The following PCSK1 variants were observed in gnomAD, a reference collection of about 807,000 sequenced individuals.
The protein encoded by PCSK1 is neuroendocrine convertase 1.
PCSK1 carries 56 observed loss-of-function variants against 90.6 expected under a neutral mutation model. That is an observed-to-expected ratio of 0.62 (90% CI 0.50 to 0.77). The LOEUF (loss-of-function observed/expected upper bound fraction) is 0.77, where lower values mean the gene tolerates loss of function less well. Among genes scored for constraint, PCSK1 ranks in the 30% least tolerant of loss-of-function variants. The pLI is 0.00. For missense variants in PCSK1, 801 were observed against 932.6 expected, an observed-to-expected ratio of 0.86 and a Z score of 1.84; for synonymous variants, 348 against 342.4, an observed-to-expected ratio of 1.02 and a Z score of -0.18.
At chr5:96,422,099 C>A (rs2112438780) in intron 4 of PCSK1, 143 bp from the exon 5 acceptor site, 1 of 664,030 alleles carries the variant, frequency 1.5e-6, no homozygotes, top group Non-Finnish European at 2.7e-6. Flanking sequence ...GAGTTTCTGG[C>A]CGAGTCACTG....
At chr5:96,419,184 T>A (rs1026431786) in intron 5 of PCSK1, among the ~76,000 whole-genome samples, 1 of 151,706 alleles carries the variant, frequency 6.6e-6, no homozygotes, top group Admixed American at 6.6e-5. Flanking sequence ...AAATATCTTG[T>A]GGAATAATTT....
rs1759995311 is a variant in PCSK1 at position 96,392,898 on chromosome 5, A to ATC, written c.*102_*103insGA. On this transcript the variant is annotated 3_prime_UTR_variant, in exon 14 of 14. Transcript: ENST00000311106. Reference sequence around the variant, plus strand: ...AAGAAAAGGTGCCACAAAGGATATTATAAGCATAAGAATTCATGACAAAAC... The same window carrying ATC: ...AAGAAAAGGTGCCACAAAGGATATTATCTAAGCATAAGAATTCATGACAAAAC... 1.7e-6 allele frequency: 2 copies of ATC among 1,158,172 alleles called. No homozygotes were observed. The highest frequency in any genetic ancestry group is 2.6e-6 in the Non-Finnish European group (2 of 774,174). 71.7% of individuals were successfully genotyped at this position (1,158,172 alleles called of 1,614,324 possible). A position where few individuals can be genotyped will look rare whatever the true frequency, so the allele number is the denominator to read the frequency against.
chr5:96,429,445 A>T, intron 1 of PCSK1, 128 bp from the exon 2 acceptor site: 1 of 634,510 alleles, frequency 1.6e-6, no homozygotes, highest in Non-Finnish European at 2.8e-6. Context: ...TGAAATTAAT[A>T]TTTTTTTTCT....
chr5:96,412,529 G>A, intron 6 of PCSK1, 39 bp from the exon 7 acceptor site: 1 of 1,568,772 alleles, frequency 6.4e-7, no homozygotes, highest in South Asian at 1.1e-5. Context: ...AAAGGTTGAT[G>A]TCAGTATGTA....
At chr5:96,417,821 C>G (rs1394767184) in intron 5 of PCSK1, among the ~76,000 whole-genome samples, 1 of 152,188 alleles carries the variant, frequency 6.6e-6, no homozygotes, top group African/African-American at 2.4e-5. Flanking sequence ...ATACAGAAGG[C>G]AACTTATGCT....
chr5:96,394,385 A>AT (rs1312460540), intron 13 of PCSK1, among the ~76,000 whole-genome samples: 1 of 152,216 alleles, frequency 6.6e-6, no homozygotes. Flanking sequence ...GTTGCCAAGA[A>AT]GTGTCAGTTA....
At chr5:96,429,632 G>A (rs1167255350) in intron 1 of PCSK1, among the ~76,000 whole-genome samples, 1 of 152,022 alleles carries the variant, frequency 6.6e-6, no homozygotes, top group Non-Finnish European at 1.5e-5. Context: ...AAAGGCCCCA[G>A]TATATGTTGT....
rs531933210 is a variant in PCSK1, at chr5:96,420,744, G to A, written c.620+1136C>T. Among the ~76,000 whole-genome samples the A allele has an allele frequency of 6.0e-5, 9 of 150,368 alleles. 2 individuals carry two copies. Among genetic ancestry groups the A allele is most frequent in the African/African-American group, 2.2e-4 (9 of 40,696 alleles). On this transcript the variant is annotated intron_variant, in intron 5 of 13. Coordinates refer to ENST00000311106, the MANE Select transcript of PCSK1 (RefSeq NM_000439.5). ...TTCTGAGGGAGAATAAGGAAGGGAGGGAGGGAGGGAGGGAGGAAGGAAGAG... is the reference window on the plus strand; with the variant it reads ...TTCTGAGGGAGAATAAGGAAGGGAGAGAGGGAGGGAGGGAGGAAGGAAGAG...
intron 9 of PCSK1, 71 bp downstream of exon 9, chr5:96,408,152 A>G: frequency 9.1e-7 from 1 of 1,103,996 alleles, no homozygotes; most frequent in African/African-American, 1.7e-5. Flanking sequence ...ATGTATTCAG[A>G]AAAAAAAGTG....
At chr5:96,409,415 G>A (rs1259720085) in intron 8 of PCSK1, among the ~76,000 whole-genome samples, 1 of 152,134 alleles carries the variant, frequency 6.6e-6, no homozygotes, top group Non-Finnish European at 1.5e-5. Flanking sequence ...ACCTGTTGAC[G>A]CAAGCAAGCC....
chr5:96,405,945 TC>T (rs1231083684), intron 9 of PCSK1, among the ~76,000 whole-genome samples: 3 of 152,216 alleles, frequency 2.0e-5, no homozygotes, highest in Non-Finnish European at 4.4e-5. Flanking sequence ...AAGATTGCTT[TC>T]TTTTAACAGC....
chr5:96,419,414 CCT>C (rs763565418), intron 5 of PCSK1, among the ~76,000 whole-genome samples: 75 of 128,840 alleles, frequency 5.8e-4, no homozygotes, highest in Admixed American at 5.4e-4. Context: ...TCACTTAATA[CCT>C]CTCTCTCTCT....
At chr5:96,399,261 A>C (rs7706047) in intron 10 of PCSK1, among the ~76,000 whole-genome samples, 2 of 152,196 alleles carry the variant, frequency 1.3e-5, no homozygotes, top group African/African-American at 4.8e-5. Flanking sequence ...TGTGGAGTCA[A>C]ATTCAGGCAG....
intron 9 of PCSK1, among the ~76,000 whole-genome samples, chr5:96,401,337 C>A (rs982858090): frequency 6.6e-5 from 10 of 152,014 alleles, no homozygotes; most frequent in Non-Finnish European, 1.3e-4. Context: ...GCAAAAGCAC[C>A]AAAGTGGGAC....
chr5:96,425,315 T>C (rs1199334316), intron 3 of PCSK1, among the ~76,000 whole-genome samples: 2 of 152,228 alleles, frequency 1.3e-5, no homozygotes, highest in Admixed American at 6.5e-5. Context: ...ATCTTAAAGG[T>C]AGAATGGTTT....
intron 12 of PCSK1, among the ~76,000 whole-genome samples, chr5:96,396,765 CTG>C (rs1183339772): frequency 2.6e-5 from 4 of 151,926 alleles, no homozygotes; most frequent in African/African-American, 9.7e-5. Context: ...ATTTTTGTGA[CTG>C]TGTGTTAAAA....
At chr5:96,395,640 A>G (rs112376122) in intron 12 of PCSK1, among the ~76,000 whole-genome samples, 2,568 of 152,202 alleles carry the variant, frequency 0.017, 80 homozygotes, top group African/African-American at 0.058. Flanking sequence ...TGGGCCTGTC[A>G]GGGAGTAGGG....
intron 12 of PCSK1, among the ~76,000 whole-genome samples, chr5:96,396,358 C>T (rs1016778843): frequency 2.0e-5 from 3 of 152,020 alleles, no homozygotes; most frequent in South Asian, 2.1e-4. Context: ...GTAAGGAGCT[C>T]GAGACCAGCC....
intron 8 of PCSK1, among the ~76,000 whole-genome samples, chr5:96,409,467 A>G (rs1293255236): frequency 1.3e-5 from 2 of 152,180 alleles, no homozygotes. Flanking sequence ...GCGTAAGAAA[A>G]AGGTTATGTT....
Sources: allele counts gnomAD v4.1 joint callset (sites outside exome capture counted in the v4.1 genomes callset), GRCh38; gene constraint gnomAD v4.1.1; transcripts MANE v1.5; gene names NCBI Gene and HGNC (gene_info 2026-07-23, HGNC 2026-07-21).